The following NDST4 variants were observed in gnomAD, a reference collection of about 807,000 sequenced individuals.
NDST4 encodes N-deacetylase and N-sulfotransferase 4, also known as N-heparan sulfate sulfotransferase 4.
Under a neutral mutation model 100.8 loss-of-function variants are expected in NDST4, and 63 were observed. The observed-to-expected ratio is 0.62, with a 90% confidence interval of 0.51 to 0.77. NDST4 has a LOEUF of 0.77. NDST4 is among the 30% of genes least tolerant of loss of function. The probability of loss-of-function intolerance (pLI) is 0.00; values close to 1 mark genes in which losing one functional copy is unlikely to be tolerated. For missense variants in NDST4, 943 were observed against 1,018.4 expected (o/e 0.93, Z 1.01); for synonymous variants, 377 against 361.8 (o/e 1.04, Z -0.48).
intron 2 of NDST4, among the ~76,000 whole-genome samples, chr4:115,026,976 G>GT (rs1433356022): frequency 6.6e-6 from 1 of 152,090 alleles, no homozygotes; most frequent in African/African-American, 2.4e-5. Flanking sequence ...GCTGACTTCC[G>GT]TAATTCCAGA....
intron 4 of NDST4, among the ~76,000 whole-genome samples, chr4:114,966,302 G>C (rs1726381342): frequency 1.3e-5 from 2 of 151,944 alleles, no homozygotes; most frequent in Admixed American, 6.6e-5. Context: ...ATGTGTGTGT[G>C]TATGGATGAA....
intron 6 of NDST4, among the ~76,000 whole-genome samples, chr4:114,900,218 C>T (rs531043176): frequency 4.6e-5 from 7 of 151,326 alleles, no homozygotes; most frequent in South Asian, 2.1e-4. Context: ...TGAATCCTCT[C>T]TTTTTTTTTC....
chr4:114,925,429 G>A (rs1725368022), intron 6 of NDST4, among the ~76,000 whole-genome samples: 1 of 152,082 alleles, frequency 6.6e-6, no homozygotes, highest in African/African-American at 2.4e-5. Context: ...ATGTTATCCT[G>A]TGCCTCACAG....
chr4:114,866,053 AT>A (rs1322823845), intron 7 of NDST4, among the ~76,000 whole-genome samples: 3 of 152,248 alleles, frequency 2.0e-5, no homozygotes, highest in African/African-American at 7.2e-5. Context: ...CTGTGATATG[AT>A]AAAAACTATA....
intron 2 of NDST4, among the ~76,000 whole-genome samples, chr4:115,069,377 T>C (rs1007752475): frequency 4.6e-5 from 7 of 151,984 alleles, no homozygotes; most frequent in African/African-American, 1.4e-4. Context: ...ACCTACAGAA[T>C]GGGAAGAAAC....
intron 6 of NDST4, among the ~76,000 whole-genome samples, chr4:114,914,742 T>A (rs2197074): frequency 0.29 from 43,682 of 152,040 alleles, 8,135 homozygotes; most frequent in African/African-American, 0.53. Flanking sequence ...TGCTTATGTT[T>A]AAGCTGAGGT....
intron 4 of NDST4, among the ~76,000 whole-genome samples, chr4:114,968,310 T>C (rs994463973): frequency 2.0e-5 from 3 of 152,158 alleles, no homozygotes; most frequent in African/African-American, 7.2e-5. Context: ...CAGTTTAAGT[T>C]AGGAGTTCCT....
chr4:114,911,729 C>A (rs190665240), intron 6 of NDST4, among the ~76,000 whole-genome samples: 2 of 152,076 alleles, frequency 1.3e-5, no homozygotes, highest in African/African-American at 4.8e-5. Context: ...TCCTTTAAAA[C>A]CTCAAAATAG....
rs147126023 is a variant in NDST4 at position 115,007,670 on chromosome 4, C to T, written c.979-30396G>A. On this transcript the variant is annotated intron_variant, in intron 2 of 13. Transcript: ENST00000264363. ...AGGTTGGGAGAAATGGGATATGAAA[C>T]GCAGGGAATCATTTACCACACAAAA... 5.0e-3 allele frequency among the ~76,000 whole-genome samples: 417 copies of T among 83,128 alleles called. 97 individuals carry two copies. Among genetic ancestry groups the T allele is most frequent in the African/African-American group, 0.019 (398 of 21,416 alleles). The allele number at this position is 83,128 out of a possible 152,430, so 54.5% of individuals were successfully genotyped here.
chr4:114,963,979 G>A (rs1726323919), intron 4 of NDST4, among the ~76,000 whole-genome samples: 1 of 152,094 alleles, frequency 6.6e-6, no homozygotes, highest in African/African-American at 2.4e-5. Flanking sequence ...TTTTGAGCGT[G>A]TGCTAGACCT....
intron 12 of NDST4, among the ~76,000 whole-genome samples, chr4:114,832,863 A>C (rs766289502): frequency 1.3e-5 from 2 of 152,180 alleles, no homozygotes; most frequent in Non-Finnish European, 2.9e-5. Context: ...CCTCATGGAG[A>C]GTCTTCAACC....
chr4:114,946,137 A>G (rs1182278870), intron 4 of NDST4, among the ~76,000 whole-genome samples: 2 of 152,222 alleles, frequency 1.3e-5, no homozygotes, highest in African/African-American at 4.8e-5. Flanking sequence ...GCAAGTTTTC[A>G]TTCACATTGT....
chr4:114,907,829 A>C (rs1015149960), intron 6 of NDST4, among the ~76,000 whole-genome samples: 1 of 152,150 alleles, frequency 6.6e-6, no homozygotes, highest in African/African-American at 2.4e-5. Flanking sequence ...ACTTATAGGC[A>C]TGAGAAAAAA....
At chr4:114,953,032 C>CTT (rs546149508) in intron 4 of NDST4, among the ~76,000 whole-genome samples, 3 of 123,376 alleles carry the variant, frequency 2.4e-5, no homozygotes, top group African/African-American at 3.1e-5. Context: ...TTTTTTTTTT[C>CTT]TTTTTTTTTT....
At chr4:114,891,840 G>C (rs1424599027) in intron 6 of NDST4, among the ~76,000 whole-genome samples, 2 of 152,074 alleles carry the variant, frequency 1.3e-5, no homozygotes, top group African/African-American at 4.8e-5. Context: ...TCCAGGTGTT[G>C]ACTCTTTGAT....
At chr4:115,063,758 C>T (rs1317925805) in intron 2 of NDST4, among the ~76,000 whole-genome samples, 2 of 151,904 alleles carry the variant, frequency 1.3e-5, no homozygotes, top group East Asian at 3.9e-4. Flanking sequence ...GCATTAACCA[C>T]AAGATTTAAG....
At chr4:114,889,291 C>A (rs769882436) in intron 6 of NDST4, among the ~76,000 whole-genome samples, 19 of 152,146 alleles carry the variant, frequency 1.2e-4, no homozygotes, top group Non-Finnish European at 2.2e-4. Context: ...GTGCATTTTA[C>A]ATTTAGTGGA....
intron 2 of NDST4, among the ~76,000 whole-genome samples, chr4:115,057,735 G>C (rs56257429): frequency 0.22 from 31,725 of 141,016 alleles, 3,614 homozygotes; most frequent in Non-Finnish European, 0.28. Flanking sequence ...CACACACACA[G>C]ACACACACAC....
In NDST4 at chr4:114,912,342, C is replaced by T. The variant is rs76802078; in HGVS notation, c.1536+22864G>A. 2.8e-3 allele frequency among the ~76,000 whole-genome samples: 421 copies of T among 152,282 alleles called. 2 individuals are homozygous for T. Among genetic ancestry groups the T allele is most frequent in the Non-Finnish European group, 4.0e-3 (275 of 68,018 alleles). On this transcript the variant is annotated intron_variant, in intron 6 of 13. Coordinates refer to ENST00000264363, the MANE Select transcript of NDST4 (RefSeq NM_022569.3). ...ATTTGAATGGCCTAAGAACACGGCT[C>T]TCTTCTTTTCTACTCAAATCCTCAA... is the stretch of plus-strand genomic sequence containing the variant.
Sources: allele counts gnomAD v4.1 joint callset (sites outside exome capture counted in the v4.1 genomes callset), GRCh38; gene constraint gnomAD v4.1.1; transcripts MANE v1.5; gene names NCBI Gene and HGNC (gene_info 2026-07-23, HGNC 2026-07-21).